Variants in NHERF2 observed in about 807,000 individuals in gnomAD.
NHERF2 encodes the protein Na(+)/H(+) exchange regulatory cofactor NHE-RF2.
At chr16:2,027,347 G>A in the NHERF2 span, 1 of 482,362 alleles carries the variant, frequency 2.1e-6, no homozygotes, top group Non-Finnish European at 3.3e-6. Flanking sequence ...GGGAGGCAGC[G>A]GCCCGGCGCC....
the NHERF2 span, chr16:2,036,165 T>C: frequency 1.4e-6 from 1 of 699,460 alleles, no homozygotes; most frequent in South Asian, 2.0e-5. Context: ...TAAAGCTCTG[T>C]CACAGGCAGC....
the NHERF2 span, chr16:2,033,238 G>C: frequency 6.6e-7 from 1 of 1,511,928 alleles, no homozygotes; most frequent in Non-Finnish European, 8.8e-7. Context: ...ACCCATCCCC[G>C]GGGAGCCAGG....
At chr16:2,029,784 T>C in the NHERF2 span, 1 of 1,509,800 alleles carries the variant, frequency 6.6e-7, no homozygotes, top group Non-Finnish European at 8.9e-7. Context: ...GGCAAGAAGG[T>C]ATGGCGGGCT....
the NHERF2 span, chr16:2,035,999 G>T: frequency 3.0e-6 from 1 of 329,610 alleles, no homozygotes; most frequent in Non-Finnish European, 5.5e-6. Context: ...GGAGGCCAAC[G>T]GCGACAGTTC....
At chr16:2,036,262 G>C in the NHERF2 span, 3 of 1,498,990 alleles carry the variant, frequency 2.0e-6, no homozygotes, top group African/African-American at 1.4e-5. Context: ...GCACCACCGG[G>C]GAGTGGCCTC....
chr16:2,036,599 C>T, the NHERF2 span: 7 of 1,522,702 alleles, frequency 4.6e-6, no homozygotes, highest in African/African-American at 1.4e-5. Context: ...CGCTGGGAAC[C>T]TGAGCTGGTG....
chr16:2,029,490 C>T, the NHERF2 span: 26 of 1,246,342 alleles, frequency 2.1e-5, no homozygotes, highest in Non-Finnish European at 2.7e-5. Flanking sequence ...GCCGCCTGTC[C>T]GCACGCCTGG....
chr16:2,033,787 G>A, the NHERF2 span, among the ~76,000 whole-genome samples: 3 of 152,112 alleles, frequency 2.0e-5, no homozygotes, highest in South Asian at 4.1e-4. Context: ...AGCTATGAAC[G>A]CCGCCCGAGC....
chr16:2,036,734 G>T, the NHERF2 span: 1 of 1,612,104 alleles, frequency 6.2e-7, no homozygotes, highest in South Asian at 1.1e-5. Context: ...GCAGGTGAAC[G>T]GGCAGAATGT....
At chr16:2,032,854 T>A in the NHERF2 span, 2 of 1,009,732 alleles carry the variant, frequency 2.0e-6, no homozygotes, top group Non-Finnish European at 2.4e-6. This position sits in a 1 kb window ranked among gnomAD's most constrained non-coding sequence, Gnocchi z 4.0. Flanking sequence ...CCCTGAGCCC[T>A]CTGCCCCCTG....
the NHERF2 span, chr16:2,032,938 G>A: frequency 6.4e-6 from 7 of 1,086,746 alleles, no homozygotes; most frequent in African/African-American, 1.2e-4. The surrounding 1 kb of genome is among the most constrained non-coding windows in gnomAD (Gnocchi z 4.0). Flanking sequence ...TGACAGTTCT[G>A]CGGGAGGCGG....
the NHERF2 span, among the ~76,000 whole-genome samples, chr16:2,034,229 CTG>C: frequency 7.9e-5 from 12 of 152,194 alleles, no homozygotes; most frequent in Non-Finnish European, 1.6e-4. Flanking sequence ...GTGTCTGTGG[CTG>C]TGTGATGTGT....
chr16:2,038,424 C>A, the NHERF2 span: 1 of 232,644 alleles, frequency 4.3e-6, no homozygotes, highest in Admixed American at 6.9e-5. Context: ...CCTCCCCCTT[C>A]CCCTCCCCCT....
At chr16:2,036,970 C>T in the NHERF2 span, 1 of 1,553,740 alleles carries the variant, frequency 6.4e-7, no homozygotes, top group Non-Finnish European at 8.7e-7. Flanking sequence ...CTGCCGTCAC[C>T]CGTCACCAAT....
chr16:2,031,324 G>C, the NHERF2 span, among the ~76,000 whole-genome samples: 4 of 152,182 alleles, frequency 2.6e-5, no homozygotes, highest in African/African-American at 9.7e-5. Context: ...GGGGCTGGCT[G>C]GTCCTAAGCC....
At chr16:2,038,189 C>G in the NHERF2 span, 1 of 610,264 alleles carries the variant, frequency 1.6e-6, no homozygotes, top group Non-Finnish European at 2.9e-6. Flanking sequence ...GGAGAGAGAC[C>G]CAGAGATGTG....
At chr16:2,036,482 C>A in the NHERF2 span, 1 of 1,594,818 alleles carries the variant, frequency 6.3e-7, no homozygotes, top group Non-Finnish European at 8.5e-7. Context: ...CTGGCCTCCG[C>A]GCCCAGGACC....
At chr16:2,028,240 G>A in the NHERF2 span, among the ~76,000 whole-genome samples, 3 of 152,242 alleles carry the variant, frequency 2.0e-5, no homozygotes, top group East Asian at 3.8e-4. Context: ...TTTACCTGGT[G>A]CCTTGTCTGT....
the NHERF2 span, chr16:2,036,626 G>C: frequency 1.9e-6 from 3 of 1,543,734 alleles, no homozygotes. Flanking sequence ...CTGCTGCCTC[G>C]GTGGGCGGTG....
Sources: allele counts gnomAD v4.1 joint callset (sites outside exome capture counted in the v4.1 genomes callset), GRCh38; gene constraint gnomAD v4.1.1; non-coding constraint Gnocchi (gnomAD v3.1); transcripts MANE v1.5; gene names NCBI Gene and HGNC (gene_info 2026-07-23, HGNC 2026-07-21).